ACO2: variants seen among roughly 807,000 people sequenced by gnomAD.
ACO2 encodes aconitate hydratase, mitochondrial.
ACO2 carries 31 observed loss-of-function variants against 84.5 expected under a neutral mutation model. That is an observed-to-expected ratio of 0.37 (90% CI 0.28 to 0.50). The LOEUF (loss-of-function observed/expected upper bound fraction) is 0.50. ACO2 is among the 20% of genes least tolerant of loss of function. The probability of loss-of-function intolerance (pLI) is 0.97; values close to 1 mark genes in which losing one functional copy is unlikely to be tolerated. For synonymous variants in ACO2, 414 were observed against 412.7 expected (o/e 1.00, Z -0.04); for missense variants, 685 against 1,029.3 (o/e 0.67, Z 4.58).
chr22:41,522,664 A>T lies in ACO2; in HGVS notation c.1139-166A>T, dbSNP rs187802007. 1.4e-4 allele frequency among the ~76,000 whole-genome samples: 21 copies of T among 152,246 alleles called. No homozygotes were observed. In the East Asian group the frequency reaches 4.1e-3, roughly 29 times the overall value. ...CACGTCATGAGTTAGCCTGTCCTTT[A>T]TTGTTGGATATTTCGGTTGCTTGCA... On this transcript the variant is annotated intron_variant, in intron 9 of 17. Coordinates refer to ENST00000216254, the MANE Select transcript of ACO2 (RefSeq NM_001098.3).
rs549941196 is a variant in ACO2 at position 41,527,871 on chromosome 22, C to T, written c.2087-30C>T. ...TGAAGCTCTCCAGGCTAGTCAGGCC[C>T]CCGATGACCGAATGCCGCCTGCTTT... On this transcript the variant is annotated intron_variant, in intron 16 of 17. Coordinates refer to ENST00000216254, the MANE Select transcript of ACO2 (RefSeq NM_001098.3). 9.0e-5 allele frequency: 145 copies of T among 1,614,084 alleles called. No homozygotes were observed. In the South Asian group the frequency reaches 1.5e-3, roughly 17 times the overall value.
intron 2 of ACO2, among the ~76,000 whole-genome samples, chr22:41,507,252 G>A (rs1003245407): frequency 6.6e-6 from 1 of 152,132 alleles, no homozygotes; most frequent in African/African-American, 2.4e-5. Context: ...CCAGGCCTGA[G>A]GTGTGGAGGG....
At chr22:41,521,084 C>A (rs1045200542) in intron 9 of ACO2, among the ~76,000 whole-genome samples, 17 of 142,700 alleles carry the variant, frequency 1.2e-4, no homozygotes, top group East Asian at 2.1e-4. Context: ...ATTACTTTTT[C>A]TTGGCAGAAA....
intron 16 of ACO2, 40 bp downstream of exon 16, chr22:41,527,460 C>T (rs978863282): frequency 6.4e-7 from 1 of 1,574,614 alleles, no homozygotes; most frequent in African/African-American, 1.3e-5. Flanking sequence ...TCATCCCATC[C>T]CTAGTGATCA....
chr22:41,494,703 G>C (rs1420075542), intron 1 of ACO2, among the ~76,000 whole-genome samples: 1 of 151,282 alleles, frequency 6.6e-6, no homozygotes, highest in African/African-American at 2.4e-5. Flanking sequence ...GAGCCACTGC[G>C]CCAGGCTGTA....
intron 1 of ACO2, among the ~76,000 whole-genome samples, chr22:41,481,148 G>A (rs575302792): frequency 6.6e-6 from 1 of 152,234 alleles, no homozygotes; most frequent in Admixed American, 6.5e-5. Flanking sequence ...TTACAGAAGA[G>A]GAAATTAAGG....
intron 2 of ACO2, among the ~76,000 whole-genome samples, chr22:41,506,847 G>A (rs139193763): frequency 1.0e-3 from 157 of 152,190 alleles, no homozygotes; most frequent in African/African-American, 3.6e-3. Flanking sequence ...GGGGCAGAGC[G>A]TGAGGTCTGA....
intron 15 of ACO2, 130 bp downstream of exon 15, chr22:41,526,583 G>A (rs2066601895): frequency 1.9e-6 from 2 of 1,044,624 alleles, no homozygotes; most frequent in African/African-American, 3.2e-5. Context: ...GACTGCTGTG[G>A]AAGGGAGGAG....
At chr22:41,497,162 G>C (rs2066320180) in intron 1 of ACO2, among the ~76,000 whole-genome samples, 1 of 151,766 alleles carries the variant, frequency 6.6e-6, no homozygotes, top group South Asian at 2.1e-4. Flanking sequence ...TCTGCCCCCT[G>C]GGTTCAAGCA....
chr22:41,506,079 T>G (rs1297268568), intron 2 of ACO2, among the ~76,000 whole-genome samples: 2 of 150,850 alleles, frequency 1.3e-5, no homozygotes, highest in African/African-American at 4.9e-5. Flanking sequence ...GCTTTTTTGT[T>G]TTTTTTTTGT....
intron 3 of ACO2, among the ~76,000 whole-genome samples, chr22:41,508,951 A>G (rs1231505797): frequency 6.6e-6 from 1 of 152,136 alleles, no homozygotes; most frequent in African/African-American, 2.4e-5. Context: ...CCCATGGGAA[A>G]CACTCGGGGC....
chr22:41,490,325 CA>C (rs577150060), intron 1 of ACO2, among the ~76,000 whole-genome samples: 19 of 146,572 alleles, frequency 1.3e-4, no homozygotes, highest in South Asian at 6.4e-4. Flanking sequence ...GACTCTGTGT[CA>C]AAAAAAAAAA....
intron 6 of ACO2, chr22:41,517,323 C>T (rs571336464): frequency 4.3e-5 from 24 of 553,830 alleles, no homozygotes; most frequent in Non-Finnish European, 7.2e-5. Flanking sequence ...GGGCCCTGAG[C>T]TCTGATCCCC....
chr22:41,473,067 G>A (rs769077128), intron 1 of ACO2, among the ~76,000 whole-genome samples: 15 of 152,164 alleles, frequency 9.9e-5, no homozygotes, highest in Non-Finnish European at 2.2e-4. Flanking sequence ...GATAACCTTC[G>A]CAGATATCAG....
chr22:41,499,666 C>T, intron 1 of ACO2, 60 bp from the exon 2 acceptor site: 3 of 1,572,634 alleles, frequency 1.9e-6, no homozygotes, highest in Non-Finnish European at 1.7e-6. Flanking sequence ...CTGAGCTGCC[C>T]TCGGGGATGG....
intron 2 of ACO2, 43 bp from the exon 3 acceptor site, chr22:41,507,748 G>A (rs374163200): frequency 3.7e-5 from 59 of 1,586,342 alleles, no homozygotes; most frequent in East Asian, 2.0e-4. Context: ...GGAGGAGGCC[G>A]TGCAGCTAGC....
intron 11 of ACO2, 99 bp from the exon 12 acceptor site, chr22:41,523,731 T>C: frequency 9.0e-7 from 1 of 1,108,740 alleles, no homozygotes. Flanking sequence ...CGGTAGGAGC[T>C]AGGCTGGGCT....
chr22:41,515,664 A>C lies in ACO2; in HGVS notation c.685-103A>C. ...CTCGAATCTTCTGGGAGGGAGGTAG[A>C]GACCAATAAGCAGCAATGTGAATGG... On this transcript the variant is annotated intron_variant, in intron 5 of 17. Transcript: ENST00000216254. The surrounding 1 kb of genome is among the most constrained non-coding windows in gnomAD (Gnocchi z 5.8). 6.3e-7 allele frequency: 1 copy of C among 1,596,448 alleles called. No homozygotes were observed. Among genetic ancestry groups the C allele is most frequent in the Admixed American group, 1.7e-5 (1 of 59,640 alleles).
chr22:41,469,382 C>T (rs2037911852), intron 1 of ACO2, 200 bp downstream of exon 1: 6 of 535,572 alleles, frequency 1.1e-5, no homozygotes, highest in Non-Finnish European at 1.9e-5. Context: ...GCTTTCCTGG[C>T]CCTGTCCCTG....
Sources: gnomAD v4.1 joint callset for allele counts (sites outside exome capture counted in the v4.1 genomes callset) on GRCh38, gnomAD v4.1.1 for gene constraint, Gnocchi (gnomAD v3.1) non-coding constraint, MANE v1.5 for transcripts, NCBI Gene and HGNC (gene_info 2026-07-23, HGNC 2026-07-21) for gene names.